The following ITGAD variants were observed in gnomAD, a reference collection of about 807,000 sequenced individuals.
The protein encoded by ITGAD is integrin subunit alpha D.
Under a neutral mutation model 139.0 loss-of-function variants are expected in ITGAD, and 105 were observed. The ratio of observed to expected loss-of-function variants is 0.76; its 90% CI spans 0.65 to 0.89. The LOEUF (loss-of-function observed/expected upper bound fraction) is 0.89, where lower values mean the gene tolerates loss of function less well. ITGAD is among the 40% of genes least tolerant of loss of function. ITGAD has a pLI of 0.00. For synonymous variants in ITGAD, 569 were observed against 598.3 expected (o/e 0.95, Z 0.71); for missense variants, 1,384 against 1,487.3 (o/e 0.93, Z 1.14).
intron 7 of ITGAD, among the ~76,000 whole-genome samples, chr16:31,406,499 T>A (rs1231304143): frequency 6.6e-6 from 1 of 152,250 alleles, no homozygotes; most frequent in Non-Finnish European, 1.5e-5. Context: ...TTCAGTTATC[T>A]ACTGTTGCCT....
At chr16:31,416,080 C>T in intron 18 of ITGAD, 133 bp from the exon 19 acceptor site, 2 of 605,982 alleles carry the variant, frequency 3.3e-6, no homozygotes, top group Middle Eastern at 6.0e-4. Context: ...CGCACCTGCG[C>T]CCCTTGTTGG....
At chr16:31,413,312 G>T in intron 16 of ITGAD, 66 bp downstream of exon 16, 1 of 1,532,672 alleles carries the variant, frequency 6.5e-7, no homozygotes, top group Non-Finnish European at 8.9e-7. Flanking sequence ...GCCATCCTGA[G>T]GATGGGATGG....
intron 3 of ITGAD, 29 bp from the exon 4 acceptor site, chr16:31,397,567 A>T: frequency 1.9e-6 from 3 of 1,605,548 alleles, no homozygotes; most frequent in Non-Finnish European, 2.5e-6. Context: ...GTGTGCTGTG[A>T]GTGAGACCCC....
At chr16:31,410,196 A>G (rs1249445909) in intron 10 of ITGAD, among the ~76,000 whole-genome samples, 199 bp from the exon 11 acceptor site, 1 of 152,116 alleles carries the variant, frequency 6.6e-6, no homozygotes, top group African/African-American at 2.4e-5. Flanking sequence ...GGGGGCAGAC[A>G]GGGTGGAGAG....
intron 9 of ITGAD, among the ~76,000 whole-genome samples, chr16:31,408,215 G>T (rs544166381): frequency 3.9e-5 from 6 of 152,058 alleles, no homozygotes; most frequent in African/African-American, 1.4e-4. Flanking sequence ...CAGGTGATCC[G>T]CCAACCTTAG....
Position 31,403,425 on chromosome 16 carries a change from G to A in ITGAD, c.559-75G>A, listed in dbSNP as rs2081455632. ...TGAGGCCAGGAGTTTGAGAGACCCTGTCTCTACAAAAAATTAAAATAAAAA... is the reference window on the plus strand; with the variant it reads ...TGAGGCCAGGAGTTTGAGAGACCCTATCTCTACAAAAAATTAAAATAAAAA... On this transcript the variant is annotated intron_variant, in intron 6 of 29. Coordinates refer to ENST00000389202, the MANE Select transcript of ITGAD (RefSeq NM_005353.3). The surrounding 1 kb of genome is among the most constrained non-coding windows in gnomAD (Gnocchi z 4.4). The A allele has an allele frequency of 6.4e-6, 10 of 1,569,870 alleles. 1 individual carries two copies. In the South Asian group the frequency reaches 1.1e-4, roughly 18 times the overall value.
At chr16:31,424,284 C>G (rs2082068150) in intron 28 of ITGAD, 81 bp downstream of exon 28, 1 of 1,550,428 alleles carries the variant, frequency 6.4e-7, no homozygotes, top group African/African-American at 1.4e-5. Context: ...GGGGGGTTTG[C>G]AAGCCTTGCG....
chr16:31,394,405 T>A, intron 2 of ITGAD, 64 bp downstream of exon 2: 5 of 1,286,082 alleles, frequency 3.9e-6, no homozygotes, highest in Non-Finnish European at 5.6e-6. Context: ...TGGGTACACG[T>A]GGGTTACCCC....
chr16:31,419,158 A>C (rs2081959696), intron 23 of ITGAD, among the ~76,000 whole-genome samples: 1 of 151,040 alleles, frequency 6.6e-6, no homozygotes, highest in South Asian at 2.1e-4. Context: ...GTGCCACTGC[A>C]CTCCAGCCTG....
chr16:31,418,349 G>A lies in ITGAD; in HGVS notation c.2665G>A (p.Asp889Asn). The change falls in exon 22 of 30, where the codon GAC becomes AAC. Residue 889 changes from aspartate to asparagine, a missense_variant. By Grantham distance (23) the Asp-to-Asn change is conservative (BLOSUM62 1). Transcript: ENST00000389202. ...TGTCTCCTACAAGGCCACCCTGGGA[G>A]ACAGGATGCTTATGAGGGCCAGTGC... ...FDVSYKATLG[D>N]RMLMRASASS... The A allele has an allele frequency of 6.2e-7, 1 of 1,614,086 alleles. No homozygotes were observed.
At chr16:31,413,043 C>T (rs2081774776) in intron 15 of ITGAD, 46 bp from the exon 16 acceptor site, 17 of 1,607,722 alleles carry the variant, frequency 1.1e-5, no homozygotes, top group Non-Finnish European at 1.4e-5. Context: ...CCACGTTATC[C>T]TCCCAGAAGC....
intron 14 of ITGAD, among the ~76,000 whole-genome samples, chr16:31,412,097 TCTCA>T (rs1200970176): frequency 4.7e-5 from 7 of 149,346 alleles, no homozygotes; most frequent in Admixed American, 1.3e-4. Flanking sequence ...TGAGACAGAG[TCTCA>T]CTCTGTCGCC....
Position 31,397,780 on chromosome 16 carries a change from G to A in ITGAD, c.313-15G>A. ...GGCTGCTAGGGACTCCTGGCTCACA[G>A]GCTTCTGCCTCCAGGCCTGTGGCCC... On this transcript the variant is annotated splice_polypyrimidine_tract_variant and intron_variant, in intron 4 of 29. Transcript: ENST00000389202. 1 of 1,610,476 alleles carries A rather than the reference G, an allele frequency of 6.2e-7. No individual in the cohort carries two copies.
chr16:31,424,651 G>C, intron 29 of ITGAD, 74 bp downstream of exon 29: 1 of 993,268 alleles, frequency 1.0e-6, no homozygotes, highest in Non-Finnish European at 1.5e-6. Context: ...AGGCTGGAGT[G>C]CAATGGCATG....
rs561034118 is a variant in ITGAD, at chr16:31,413,624, C to T, written c.1996+378C>T. On this transcript the variant is annotated intron_variant, in intron 16 of 29. Transcript: ENST00000389202. ...AATGCAAATCTGGGCTCCTCACTCC[C>T]CTGCGTAACCCGCCTTGCATTTACA... Among the ~76,000 whole-genome samples the T allele has an allele frequency of 4.6e-5, 7 of 152,314 alleles. No individual in the cohort carries two copies. In the South Asian group the frequency reaches 1.0e-3, roughly 23 times the overall value.
At position 31,414,689 on chromosome 16, in the gene ITGAD, TG is replaced by T. The variant is rs1351698514; in HGVS notation, c.2151+87del. 2.6e-5 allele frequency: 41 copies of T among 1,581,400 alleles called. No homozygotes were observed. The African/African-American group carries it at 4.2e-4, about 16-fold the overall frequency. On this transcript the variant is annotated intron_variant, in intron 17 of 29. Transcript: ENST00000389202. ...CACCCCCGTTCTCTGCTGAGCGAGGTGGGAAGGGTTAGGATGTTGGGGCTGG... is the reference window on the plus strand; with the variant it reads ...CACCCCCGTTCTCTGCTGAGCGAGGTGGAAGGGTTAGGATGTTGGGGCTGG...
At chr16:31,408,605 A>C in intron 10 of ITGAD, 107 bp downstream of exon 10, 5 of 948,026 alleles carry the variant, frequency 5.3e-6, no homozygotes, top group East Asian at 2.6e-5. Context: ...CCCATCCTCA[A>C]TCGCCAGGGA....
intron 11 of ITGAD, 61 bp from the exon 12 acceptor site, chr16:31,410,675 G>A: frequency 1.9e-6 from 3 of 1,567,452 alleles, no homozygotes; most frequent in Non-Finnish European, 2.6e-6. Context: ...GCCTGGGGTG[G>A]GGGTCCAGGG....
intron 1 of ITGAD, 95 bp from the exon 2 acceptor site, chr16:31,394,141 A>G: frequency 5.8e-6 from 4 of 686,252 alleles, no homozygotes; most frequent in Non-Finnish European, 7.2e-6. Flanking sequence ...AAAAAAAAAA[A>G]AAAAAAAAAG....
Sources: gnomAD v4.1 joint callset for allele counts (sites outside exome capture counted in the v4.1 genomes callset) on GRCh38, gnomAD v4.1.1 for gene constraint, Gnocchi (gnomAD v3.1) non-coding constraint, MANE v1.5 for transcripts, NCBI Gene and HGNC (gene_info 2026-07-23, HGNC 2026-07-21) for gene names.